Variants in WWOX observed in about 807,000 individuals in gnomAD.
The protein encoded by WWOX is WW domain containing oxidoreductase, also known as WW domain-containing oxidoreductase.
WWOX carries 69 observed loss-of-function variants against 46.2 expected under a neutral mutation model. That is an observed-to-expected ratio of 1.49 (90% CI 1.23 to 1.82). WWOX has a LOEUF of 1.82. Ranked by LOEUF, WWOX falls within the 40% of genes most tolerant of loss-of-function variation. The pLI is 0.00. For missense variants in WWOX, 919 were observed against 542.6 expected, an observed-to-expected ratio of 1.69 and a Z score of -6.89; for synonymous variants, 359 against 202.6, an observed-to-expected ratio of 1.77 and a Z score of -6.56.
intron 3 of WWOX, among the ~76,000 whole-genome samples, 157 bp from the exon 4 acceptor site, chr16:78,114,817 AGG>A (rs1597217568): frequency 6.6e-6 from 1 of 152,128 alleles, no homozygotes; most frequent in East Asian, 1.9e-4. Flanking sequence ...ATCCTTCTGG[AGG>A]CCAGAAGATA....
At chr16:78,509,690 A>C (rs2085309973) in intron 8 of WWOX, among the ~76,000 whole-genome samples, 2 of 152,198 alleles carry the variant, frequency 1.3e-5, no homozygotes, top group African/African-American at 4.8e-5. Flanking sequence ...ACTACTGATC[A>C]AGCCTTCACT....
At chr16:79,070,935 A>AC (rs1159540500) in intron 8 of WWOX, among the ~76,000 whole-genome samples, 1 of 152,080 alleles carries the variant, frequency 6.6e-6, no homozygotes. Context: ...TTGACAATAC[A>AC]CTTCCAGGGC....
chr16:78,745,690 A>G (rs1597536032), intron 8 of WWOX, among the ~76,000 whole-genome samples: 2 of 141,756 alleles, frequency 1.4e-5, no homozygotes, highest in African/African-American at 5.2e-5. Flanking sequence ...ATAGACATCC[A>G]CCCCCTCACT....
chr16:78,392,254 T>C (rs1389403763), intron 6 of WWOX, among the ~76,000 whole-genome samples: 2 of 152,070 alleles, frequency 1.3e-5, no homozygotes, highest in Non-Finnish European at 2.9e-5. Flanking sequence ...ATTAGTCTCA[T>C]AGGACCGTGA....
intron 5 of WWOX, among the ~76,000 whole-genome samples, chr16:78,173,678 A>G (rs2035237112): frequency 6.6e-6 from 1 of 152,182 alleles, no homozygotes; most frequent in Non-Finnish European, 1.5e-5. Context: ...GTAAAGATTC[A>G]GTAAATGGTC....
chr16:78,637,593 TACTC>T (rs1235003591), intron 8 of WWOX, among the ~76,000 whole-genome samples: 1 of 152,198 alleles, frequency 6.6e-6, no homozygotes, highest in Admixed American at 6.5e-5. Context: ...CCCCTTTCCT[TACTC>T]ACTGACATCA....
intron 8 of WWOX, among the ~76,000 whole-genome samples, chr16:78,717,447 C>A (rs894457066): frequency 6.6e-5 from 10 of 152,124 alleles, no homozygotes; most frequent in African/African-American, 2.4e-4. Context: ...GCTTTAGCAC[C>A]TTTTGAACAG....
chr16:78,424,140 TAG>T (rs1215385694), intron 6 of WWOX, among the ~76,000 whole-genome samples: 1 of 141,828 alleles, frequency 7.1e-6, no homozygotes, highest in Middle Eastern at 3.4e-3. Flanking sequence ...TTTTTGGAGA[TAG>T]AGTCTTGCTC....
At chr16:78,764,322 G>A (rs989444454) in intron 8 of WWOX, among the ~76,000 whole-genome samples, 1 of 151,626 alleles carries the variant, frequency 6.6e-6, no homozygotes, top group Non-Finnish European at 1.5e-5. Flanking sequence ...GGTCAGCATT[G>A]CAGAACCTGG....
At chr16:78,868,233 G>T (rs564701556) in intron 8 of WWOX, among the ~76,000 whole-genome samples, 173 of 152,240 alleles carry the variant, frequency 1.1e-3, no homozygotes, top group African/African-American at 4.0e-3. Context: ...TAATAACATA[G>T]ATGAACTTCA....
At chr16:78,821,087 A>G (rs542202597) in intron 8 of WWOX, among the ~76,000 whole-genome samples, 1 of 152,272 alleles carries the variant, frequency 6.6e-6, no homozygotes, top group South Asian at 2.1e-4. Flanking sequence ...CTGAGTGAAC[A>G]TGTTTCTAGG....
At chr16:78,617,402 CA>C (rs33977792) in intron 8 of WWOX, among the ~76,000 whole-genome samples, 69,083 of 134,042 alleles carry the variant, frequency 0.52, 17,917 homozygotes, top group Middle Eastern at 0.66. Context: ...ACCTTGTATC[CA>C]AAAAAAAAAA....
intron 8 of WWOX, among the ~76,000 whole-genome samples, chr16:78,822,326 T>C (rs2051521679): frequency 6.6e-6 from 1 of 152,036 alleles, no homozygotes; most frequent in South Asian, 2.1e-4. Context: ...AAACGCCATC[T>C]CTACTAAAAA....
At chr16:79,142,363 C>A (rs1376762126) in intron 8 of WWOX, among the ~76,000 whole-genome samples, 3 of 152,102 alleles carry the variant, frequency 2.0e-5, no homozygotes, top group Non-Finnish European at 4.4e-5. Context: ...CAGCAGGAGC[C>A]AATGATTACC....
At chr16:78,560,816 A>G (rs1387297295) in intron 8 of WWOX, among the ~76,000 whole-genome samples, 3 of 152,202 alleles carry the variant, frequency 2.0e-5, no homozygotes, top group Non-Finnish European at 4.4e-5. Context: ...AATGAACAGG[A>G]GAAAATTTTA....
intron 8 of WWOX, among the ~76,000 whole-genome samples, chr16:78,494,025 C>G (rs1337147566): frequency 2.0e-5 from 3 of 152,102 alleles, no homozygotes; most frequent in African/African-American, 4.8e-5. Context: ...TTAGTTGGCT[C>G]GTGGTTCTGC....
At chr16:78,816,180 A>G (rs930200858) in intron 8 of WWOX, among the ~76,000 whole-genome samples, 2 of 152,178 alleles carry the variant, frequency 1.3e-5, no homozygotes, top group African/African-American at 2.4e-5. Context: ...ACCCCCTCTG[A>G]TAAACCCTCT....
chr16:78,224,130 A>G (rs2151800492), intron 5 of WWOX, among the ~76,000 whole-genome samples: 1 of 152,154 alleles, frequency 6.6e-6, no homozygotes, highest in Non-Finnish European at 1.5e-5. Context: ...CAGCCTCCCA[A>G]GTAGCTGGGA....
intron 8 of WWOX, among the ~76,000 whole-genome samples, chr16:78,770,615 T>C (rs1204226238): frequency 6.6e-6 from 1 of 152,118 alleles, no homozygotes; most frequent in African/African-American, 2.4e-5. Context: ...AGGAAGTCTC[T>C]GGAAATCAGC....
Sources: gnomAD v4.1 joint callset for allele counts (sites outside exome capture counted in the v4.1 genomes callset) on GRCh38, gnomAD v4.1.1 for gene constraint, MANE v1.5 for transcripts, NCBI Gene and HGNC (gene_info 2026-07-23, HGNC 2026-07-21) for gene names.